Variants in SH3BP1 observed in about 807,000 individuals in gnomAD.
SH3BP1 encodes SH3 domain binding protein 1.
In SH3BP1, 46 loss-of-function variants were observed where a neutral mutation model predicts 69.8. That is an observed-to-expected ratio of 0.66 (90% CI 0.52 to 0.84). The LOEUF (loss-of-function observed/expected upper bound fraction) is 0.84. Among genes scored for constraint, SH3BP1 ranks in the 40% least tolerant of loss-of-function variants. The probability of loss-of-function intolerance (pLI) is 0.00; values close to 1 mark genes in which losing one functional copy is unlikely to be tolerated. For synonymous variants in SH3BP1, 403 were observed against 378.0 expected (o/e 1.07, Z -0.77); for missense variants, 868 against 930.9 (o/e 0.93, Z 0.88).
At position 37,655,419 on chromosome 22, in the gene SH3BP1, T is replaced by C; in HGVS notation, c.1841T>C (p.Leu614Pro). Residue 614 changes from leucine to proline, a missense_variant, in exon 18 of 18, where the codon CTC becomes CCC. Leu to Pro is a moderately conservative substitution (Grantham distance 98). Transcript: ENST00000649765. ...ALPRRLVGSS[L>P]RAPTVPPPLP... ...CCCCGACGTCTGGTTGGCAGCAGCC[T>C]CCGAGCCCCCACAGTGCCACCCCCG... The C allele has an allele frequency of 8.0e-7, 1 of 1,248,046 alleles. No individual in the cohort carries two copies. Among genetic ancestry groups the C allele is most frequent in the Non-Finnish European group, 1.0e-6 (1 of 961,366 alleles). The allele number at this position is 1,248,046 out of a possible 1,614,324, so 77.3% of individuals were successfully genotyped here. A position where few individuals can be genotyped will look rare whatever the true frequency, so the allele number is the denominator to read the frequency against.
intron 16 of SH3BP1, among the ~76,000 whole-genome samples, chr22:37,652,696 G>A (rs988527084): frequency 1.4e-5 from 2 of 147,458 alleles, no homozygotes; most frequent in African/African-American, 2.5e-5. Context: ...ATGGTAGTGC[G>A]CACCTGTAAT....
intron 16 of SH3BP1, among the ~76,000 whole-genome samples, chr22:37,653,205 T>C (rs1294099728): frequency 1.3e-5 from 2 of 151,546 alleles, no homozygotes; most frequent in African/African-American, 4.9e-5. Context: ...GAGGCCGAGG[T>C]GGGCAGAAGA....
rs758776826 is a variant in SH3BP1, at chr22:37,648,279, G to A, written c.1200-40G>A. On this transcript the variant is annotated intron_variant, in intron 13 of 17. Transcript: ENST00000649765. Reference sequence around the variant, plus strand: ...TGGGCTGGAGAATTCTCAGGGCTGGGTGCGTTCTGCCCCTGGCCTAAGCCT... The same window carrying A: ...TGGGCTGGAGAATTCTCAGGGCTGGATGCGTTCTGCCCCTGGCCTAAGCCT... 2.2e-6 allele frequency: 3 copies of A among 1,392,026 alleles called. No individual in the cohort carries two copies. In the African/African-American group the frequency reaches 4.2e-5, roughly 20 times the overall value. 86.2% of individuals were successfully genotyped at this position (1,392,026 alleles called of 1,614,324 possible).
chr22:37,639,885 C>A (rs1206521815), intron 1 of SH3BP1, 39 bp downstream of exon 1: 2 of 1,497,094 alleles, frequency 1.3e-6, no homozygotes, highest in East Asian at 5.4e-5. Context: ...CTTACCCCGG[C>A]AGGACTTGAG....
chr22:37,655,762 C>A lies in SH3BP1; in HGVS notation c.*78C>A, dbSNP rs1933020458. 5 of 1,446,066 alleles carry A rather than the reference C, an allele frequency of 3.5e-6. No individual in the cohort carries two copies. Among genetic ancestry groups the A allele is most frequent in the Non-Finnish European group, 4.5e-6 (5 of 1,103,928 alleles). The allele number at this position is 1,446,066 out of a possible 1,614,324, so 89.6% of individuals were successfully genotyped here. ...CCCTCCCAGGACAGCTCTCGCCCCC[C>A]ACAAAGGGGCATGGGCCTCCAGCCT... On this transcript the variant is annotated 3_prime_UTR_variant, in exon 18 of 18. Transcript: ENST00000649765.
At chr22:37,648,049 C>G (rs1310859059) in intron 13 of SH3BP1, among the ~76,000 whole-genome samples, 1 of 152,240 alleles carries the variant, frequency 6.6e-6, no homozygotes, top group Non-Finnish European at 1.5e-5. Flanking sequence ...TACCGCCTGG[C>G]TTCACATGCC....
chr22:37,650,120 C>G (rs748093005), intron 14 of SH3BP1, 32 bp from the exon 15 acceptor site: 1 of 1,613,118 alleles, frequency 6.2e-7, no homozygotes, highest in East Asian at 2.2e-5. Flanking sequence ...GTCACAAACC[C>G]TTTGCTGAGC....
In SH3BP1 at chr22:37,655,732, C is replaced by T. The variant is rs1933018955; in HGVS notation, c.*48C>T. 2.1e-6 allele frequency: 3 copies of T among 1,446,548 alleles called. No homozygotes were observed. Among genetic ancestry groups the T allele is most frequent in the African/African-American group, 1.4e-5 (1 of 69,708 alleles). 89.6% of individuals were successfully genotyped at this position (1,446,548 alleles called of 1,614,324 possible). A position where few individuals can be genotyped will look rare whatever the true frequency, so the allele number is the denominator to read the frequency against. On this transcript the variant is annotated 3_prime_UTR_variant, in exon 18 of 18. Transcript: ENST00000649765. ...GCCCTCAGCACCCCCTCCCTCCCCACCTGGCCCTCCCAGGACAGCTCTCGC... is the reference window on the plus strand; with the variant it reads ...GCCCTCAGCACCCCCTCCCTCCCCATCTGGCCCTCCCAGGACAGCTCTCGC...
chr22:37,645,222 A>T, intron 9 of SH3BP1, 143 bp from the exon 10 acceptor site: 1 of 1,166,988 alleles, frequency 8.6e-7, no homozygotes, highest in Non-Finnish European at 1.2e-6. Context: ...GGCTGATTCG[A>T]GAGATGTGAC....
At chr22:37,643,452 A>C in intron 6 of SH3BP1, 192 bp from the exon 7 acceptor site, 1 of 745,242 alleles carries the variant, frequency 1.3e-6, no homozygotes. Flanking sequence ...AGTGGCTGTG[A>C]TCACCAAATC....
chr22:37,641,240 G>T (rs973860215), intron 2 of SH3BP1, 72 bp downstream of exon 2: 1 of 1,525,010 alleles, frequency 6.6e-7, no homozygotes, highest in Non-Finnish European at 8.9e-7. Flanking sequence ...GCCGGGGCGG[G>T]GACGCCAGGT....
chr22:37,640,393 C>T (rs1246596220), intron 1 of SH3BP1: 2 of 152,498 alleles, frequency 1.3e-5, no homozygotes, highest in Non-Finnish European at 2.9e-5. Context: ...TTCCTGGACT[C>T]AGGTGGAAAT....
At chr22:37,643,529 C>G in intron 6 of SH3BP1, 115 bp from the exon 7 acceptor site, 1 of 1,442,426 alleles carries the variant, frequency 6.9e-7, no homozygotes, top group South Asian at 1.2e-5. Context: ...CAGTGGAGCT[C>G]TCAGATCTGC....
intron 1 of SH3BP1, chr22:37,640,542 G>T: frequency 1.3e-5 from 2 of 153,654 alleles, no homozygotes; most frequent in South Asian, 2.0e-4. Flanking sequence ...TGGGTCCAGG[G>T]AGGGGACTGG....
intron 11 of SH3BP1, 34 bp from the exon 12 acceptor site, chr22:37,647,233 G>C (rs1415609284): frequency 6.3e-7 from 1 of 1,583,940 alleles, no homozygotes; most frequent in South Asian, 1.1e-5. Flanking sequence ...GCGGGTGGGG[G>C]CTGCCTCTGA....
intron 1 of SH3BP1, chr22:37,640,861 C>A: frequency 1.9e-6 from 1 of 514,890 alleles, no homozygotes; most frequent in South Asian, 2.5e-5. Context: ...CTCTCAGCCT[C>A]CCCTTTAGTT....
chr22:37,647,664 AT>A (rs1932808503), intron 13 of SH3BP1, 143 bp downstream of exon 13: 2 of 454,780 alleles, frequency 4.4e-6, no homozygotes. Flanking sequence ...TGGATTAGTC[AT>A]TTATATATAT....
chr22:37,641,057 T>G lies in SH3BP1; in HGVS notation c.60-69T>G, dbSNP rs552774593. The G allele has an allele frequency of 1.0e-5, 11 of 1,049,526 alleles. No individual in the cohort carries two copies. The African/African-American group carries it at 1.7e-4, about 16-fold the overall frequency. 65.0% of individuals were successfully genotyped at this position (1,049,526 alleles called of 1,614,324 possible). On this transcript the variant is annotated intron_variant, in intron 1 of 17. Transcript: ENST00000649765. Reference sequence around the variant, plus strand: ...GGTGCCCTGCTGCGGGGAAGGGAAGTAGGGGGCGTTCTAACCCAGGCAGGC... The same window carrying G: ...GGTGCCCTGCTGCGGGGAAGGGAAGGAGGGGGCGTTCTAACCCAGGCAGGC...
rs780583684 is a variant in SH3BP1, at chr22:37,642,976, C to T, written c.366C>T (p.Asp122=). The T allele has an allele frequency of 1.4e-5, 23 of 1,612,762 alleles. No homozygotes were observed. The highest frequency in any genetic ancestry group is 6.7e-5 in the East Asian group (3 of 44,886). The change falls in exon 5 of 18, where the codon GAC becomes GAT. Residue 122 remains aspartate (D), a synonymous_variant. Transcript: ENST00000649765. ...AGTTTGAGATGACCCTGGAGAGGGACGTCCTGCAGCCACTCAGCAGGCTGA... is the reference window on the plus strand; with the variant it reads ...AGTTTGAGATGACCCTGGAGAGGGATGTCCTGCAGCCACTCAGCAGGCTGA... ...LAEFEMTLER[D]VLQPLSRLSE... is the part of the protein sequence containing the mutation.
Sources: gnomAD v4.1 joint callset for allele counts (sites outside exome capture counted in the v4.1 genomes callset) on GRCh38, gnomAD v4.1.1 for gene constraint, MANE v1.5 for transcripts, NCBI Gene and HGNC (gene_info 2026-07-23, HGNC 2026-07-21) for gene names.